Variants in CACNA2D4 observed in about 807,000 individuals in gnomAD.
CACNA2D4 encodes voltage-dependent calcium channel subunit alpha-2/delta-4.
In CACNA2D4, 157 loss-of-function variants were observed where a neutral mutation model predicts 163.8. That is an observed-to-expected ratio of 0.96 (90% CI 0.84 to 1.09). The LOEUF is 1.09. Ranked by LOEUF, CACNA2D4 falls within the 50% of genes least tolerant of loss-of-function variation. CACNA2D4 has a pLI of 0.00. For synonymous variants in CACNA2D4, 598 were observed against 586.9 expected, an observed-to-expected ratio of 1.02 and a Z score of -0.27; for missense variants, 1,410 against 1,479.9, an observed-to-expected ratio of 0.95 and a Z score of 0.78.
In CACNA2D4 at chr12:1,914,751, T is replaced by G. The variant is rs1345002041; in HGVS notation, c.309+103A>C. ...AGTGGCCCCATCTGAAATAAACCGA[T>G]TTGATGGGATGCCCAAGGCCCCTCA... is the stretch of plus-strand genomic sequence containing the variant. On this transcript the variant is annotated intron_variant, in intron 2 of 37. Transcript: ENST00000382722. 5.3e-6 allele frequency: 4 copies of G among 757,434 alleles called. No homozygotes were observed. The Admixed American group carries it at 6.3e-5, about 12-fold the overall frequency. 46.9% of individuals were successfully genotyped at this position (757,434 alleles called of 1,614,324 possible). A position where few individuals can be genotyped will look rare whatever the true frequency, so the allele number is the denominator to read the frequency against.
chr12:1,884,010 C>T (rs947066436), intron 12 of CACNA2D4: 15 of 530,888 alleles, frequency 2.8e-5, no homozygotes, highest in Non-Finnish European at 6.7e-6. Context: ...GAACCAGAGT[C>T]CATGGCTTAC....
At chr12:1,810,432 G>C (rs1240910201) in intron 28 of CACNA2D4, 92 bp from the exon 29 acceptor site, 1 of 1,516,842 alleles carries the variant, frequency 6.6e-7, no homozygotes, top group Non-Finnish European at 9.1e-7. Flanking sequence ...CAGCGTGGGA[G>C]CTTCACTGCA....
intron 8 of CACNA2D4, 39 bp from the exon 9 acceptor site, chr12:1,886,078 T>C: frequency 1.3e-6 from 2 of 1,574,412 alleles, no homozygotes; most frequent in South Asian, 2.2e-5. Context: ...GGGGGGAGAA[T>C]AAACAGCATC....
At chr12:1,827,628 C>G (rs927949269) in intron 26 of CACNA2D4, 3 of 153,296 alleles carry the variant, frequency 2.0e-5, no homozygotes, top group Non-Finnish European at 4.4e-5. Context: ...AACCGGGACC[C>G]AGGTGAGGGG....
chr12:1,898,617 G>C (rs1219346222), intron 6 of CACNA2D4, among the ~76,000 whole-genome samples: 1 of 152,052 alleles, frequency 6.6e-6, no homozygotes, highest in Non-Finnish European at 1.5e-5. Flanking sequence ...AAGCTGGCAA[G>C]GATTTAGAAA....
intron 24 of CACNA2D4, among the ~76,000 whole-genome samples, chr12:1,845,310 G>T (rs1377947949): frequency 6.8e-6 from 1 of 147,050 alleles, no homozygotes; most frequent in Non-Finnish European, 1.5e-5. Context: ...TCCAGTCTTA[G>T]AAGCCTCTGA....
intron 6 of CACNA2D4, 52 bp from the exon 7 acceptor site, chr12:1,887,121 T>A: frequency 7.6e-7 from 1 of 1,317,452 alleles, no homozygotes; most frequent in Non-Finnish European, 1.1e-6. Flanking sequence ...CCACCCCAGA[T>A]CCCCTGGCTG....
rs1189105969 is a variant in CACNA2D4 at position 1,846,662 on chromosome 12, G to A, written c.2274C>T (p.Ala758=). The part of the protein sequence containing the change: ...SEESEHVVDM[A]FLGTRAGLLR... ...GGAGGCCAGCCCGGGTGCCCAGGAA[G>A]GCCATGTCCACCACGTGTTCAGACT... is the stretch of plus-strand genomic sequence containing the variant. The change falls in exon 24 of 38, where the codon GCC becomes GCT. Residue 758 remains alanine (A), a synonymous_variant. Coordinates refer to ENST00000382722, the MANE Select transcript of CACNA2D4 (RefSeq NM_172364.5). 6.2e-7 allele frequency: 1 copy of A among 1,602,696 alleles called. No homozygotes were observed. Among genetic ancestry groups the A allele is most frequent in the Non-Finnish European group, 8.5e-7 (1 of 1,176,688 alleles).
chr12:1,914,913 A>T lies in CACNA2D4; in HGVS notation c.250T>A (p.Phe84Ile). ...LETVKLWADTFGGDLYNTVTK... is the reference protein window; with the variant it reads ...LETVKLWADTIGGDLYNTVTK... The stretch of plus-strand genomic sequence containing the variant: ...ACAGTGTTATACAGGTCCCCGCCGA[A>T]GGTGTCAGCCCATAGCTTCACTCTG... The change falls in exon 2 of 38, where the codon TTC (phenylalanine) becomes ATC (isoleucine). Residue 84 changes from phenylalanine (F) to isoleucine (I), a missense_variant. Phe to Ile is a conservative substitution (Grantham distance 21). Coordinates refer to ENST00000382722, the MANE Select transcript of CACNA2D4 (RefSeq NM_172364.5). 1 of 1,613,750 alleles carries T rather than the reference A, an allele frequency of 6.2e-7. No homozygotes were observed. Among genetic ancestry groups the T allele is most frequent in the Non-Finnish European group, 8.5e-7 (1 of 1,179,662 alleles).
At chr12:1,842,057 T>C (rs986993605) in intron 25 of CACNA2D4, among the ~76,000 whole-genome samples, 1 of 152,166 alleles carries the variant, frequency 6.6e-6, no homozygotes, top group African/African-American at 2.4e-5. Flanking sequence ...TCCGTCGCAT[T>C]TGTACCCCAG....
At chr12:1,890,793 G>A (rs907611993) in intron 6 of CACNA2D4, among the ~76,000 whole-genome samples, 1 of 152,180 alleles carries the variant, frequency 6.6e-6, no homozygotes, top group Non-Finnish European at 1.5e-5. Context: ...CCTGTCTGGG[G>A]CCTGGGAACT....
intron 19 of CACNA2D4, 50 bp downstream of exon 19, chr12:1,860,095 G>C (rs1865489507): frequency 6.9e-7 from 1 of 1,443,504 alleles, no homozygotes; most frequent in East Asian, 2.3e-5. Flanking sequence ...TGAGTTGCTG[G>C]TATTCATGTT....
At chr12:1,899,944 T>C (rs4765859) in intron 6 of CACNA2D4, among the ~76,000 whole-genome samples, 115,194 of 151,952 alleles carry the variant, frequency 0.76, 43,804 homozygotes, top group East Asian at 0.88. Context: ...AGGTTTCTCA[T>C]AGGAATGCAA....
In CACNA2D4 at chr12:1,799,490, A is replaced by T. The variant is rs1262522776; in HGVS notation, c.2995+185T>A. On this transcript the variant is annotated intron_variant, in intron 34 of 37. Transcript: ENST00000382722. The surrounding 1 kb of genome is among the most constrained non-coding windows in gnomAD (Gnocchi z 4.7). ...TTTTCCCTGGGGCCTGACCGTCCTC[A>T]TGTGGGATGAGAACTGGGCTAGACT... Among the ~76,000 whole-genome samples, 1 of 152,116 alleles carries T rather than the reference A, an allele frequency of 6.6e-6. No homozygotes were observed. The highest frequency in any genetic ancestry group is 2.4e-5 in the African/African-American group (1 of 41,418).
intron 13 of CACNA2D4, 57 bp from the exon 14 acceptor site, chr12:1,879,938 C>G: frequency 1.6e-6 from 2 of 1,265,762 alleles, no homozygotes; most frequent in Admixed American, 2.0e-5. Context: ...ACTGGTTTGC[C>G]GCACTCGGAG....
At chr12:1,831,589 T>G (rs1253050179) in intron 26 of CACNA2D4, 4 of 1,368,266 alleles carry the variant, frequency 2.9e-6, no homozygotes, top group Non-Finnish European at 4.1e-6. Flanking sequence ...CCCCACACTT[T>G]CCTCCTGGTG....
In CACNA2D4 at chr12:1,884,777, TG is replaced by T; in HGVS notation, c.1262del (p.Pro421GlnfsTer22). ...YEPVFEKYNW[P>X]DCKVRVFTYL... ...CCCGTGGGAGGGTCACCTTACAGTC[TG>T]GCCAGTTATACTTCTCAAACACCGG... On this transcript the variant is annotated frameshift_variant, in exon 11 of 38. Coordinates refer to ENST00000382722, the MANE Select transcript of CACNA2D4 (RefSeq NM_172364.5). LOFTEE classifies it high-confidence loss of function. 6.2e-7 allele frequency: 1 copy of T among 1,612,194 alleles called. No individual in the cohort carries two copies. The highest frequency in any genetic ancestry group is 8.5e-7 in the Non-Finnish European group (1 of 1,178,506).
intron 4 of CACNA2D4, 110 bp from the exon 5 acceptor site, chr12:1,908,147 C>T (rs1458466028): frequency 8.5e-7 from 1 of 1,180,740 alleles, no homozygotes; most frequent in Non-Finnish European, 1.2e-6. Flanking sequence ...GGCCGGGCGG[C>T]CATCAGAGTC....
At chr12:1,795,529 GT>G in intron 36 of CACNA2D4, 138 bp downstream of exon 36, 1 of 946,106 alleles carries the variant, frequency 1.1e-6, no homozygotes, top group Non-Finnish European at 1.6e-6. Flanking sequence ...CCAGGGAAGG[GT>G]TAGAGAACAA....
Sources: allele counts gnomAD v4.1 joint callset (sites outside exome capture counted in the v4.1 genomes callset), GRCh38; gene constraint gnomAD v4.1.1; non-coding constraint Gnocchi (gnomAD v3.1); transcripts MANE v1.5; gene names NCBI Gene and HGNC (gene_info 2026-07-23, HGNC 2026-07-21).